ADGRL4: variants seen among roughly 807,000 people sequenced by gnomAD.
The protein encoded by ADGRL4 is adhesion G protein-coupled receptor L4, also known as EGF, latrophilin and seven transmembrane domain containing 1.
Under a neutral mutation model 74.8 loss-of-function variants are expected in ADGRL4, and 90 were observed. That is an observed-to-expected ratio of 1.20 (90% confidence interval 1.02 to 1.43). The LOEUF (loss-of-function observed/expected upper bound fraction) is 1.43. Ranked by LOEUF, ADGRL4 falls within the 40% of genes most tolerant of loss-of-function variation. The probability of loss-of-function intolerance (pLI) is 0.00; values close to 1 mark genes in which losing one functional copy is unlikely to be tolerated. For missense variants in ADGRL4, 881 were observed against 814.3 expected, an observed-to-expected ratio of 1.08 and a Z score of -1.00; for synonymous variants, 311 against 279.2, an observed-to-expected ratio of 1.11 and a Z score of -1.14.
In ADGRL4 at chr1:78,971,649, G is replaced by A. The variant is rs541365472; in HGVS notation, c.173-25223C>T. ...TGTCATGGCCGTGTGGCAAAGATCC[G>A]GCTCCCAGCTGAACTAAGGAGAAAG... On this transcript the variant is annotated intron_variant, in intron 2 of 14. Coordinates refer to ENST00000370742, the MANE Select transcript of ADGRL4 (RefSeq NM_022159.4). 2.6e-5 allele frequency among the ~76,000 whole-genome samples: 4 copies of A among 152,312 alleles called. No individual in the cohort carries two copies. The East Asian group carries it at 7.7e-4, about 29-fold the overall frequency.
chr1:78,939,169 T>C lies in ADGRL4; in HGVS notation c.396+19A>G. On this transcript the variant is annotated intron_variant, in intron 4 of 14. Transcript: ENST00000370742. ...ACCAAAATGTCAAAATAAAATAAATTGTTAACTGTTCTACTTACTTTTGTT... is the reference window on the plus strand; with the variant it reads ...ACCAAAATGTCAAAATAAAATAAATCGTTAACTGTTCTACTTACTTTTGTT... The C allele has an allele frequency of 6.5e-7, 1 of 1,542,220 alleles. No individual in the cohort carries two copies. The highest frequency in any genetic ancestry group is 8.7e-7 in the Non-Finnish European group (1 of 1,148,942).
chr1:79,001,222 AGAGG>A (rs1158637075), intron 2 of ADGRL4, among the ~76,000 whole-genome samples: 11 of 90,482 alleles, frequency 1.2e-4, no homozygotes, highest in East Asian at 6.4e-4. Context: ...AGGAAGGGAG[AGAGG>A]GAGGGAGGGA....
chr1:78,950,136 G>GA (rs1649691416), intron 2 of ADGRL4, among the ~76,000 whole-genome samples: 1 of 152,136 alleles, frequency 6.6e-6, no homozygotes. Flanking sequence ...ATAAAAAGGT[G>GA]AAGATTATTG....
At chr1:78,951,468 C>G (rs1353184050) in intron 2 of ADGRL4, among the ~76,000 whole-genome samples, 3 of 152,098 alleles carry the variant, frequency 2.0e-5, no homozygotes, top group Non-Finnish European at 4.4e-5. Flanking sequence ...ATGCATATGT[C>G]TACGATATAT....
At chr1:79,006,088 C>G (rs1650956543) in intron 1 of ADGRL4, among the ~76,000 whole-genome samples, 1 of 152,244 alleles carries the variant, frequency 6.6e-6, no homozygotes, top group African/African-American at 2.4e-5. Context: ...TCTTGAGGAC[C>G]AACAGCTATG....
intron 2 of ADGRL4, among the ~76,000 whole-genome samples, chr1:78,987,990 C>A (rs1394380828): frequency 8.9e-6 from 1 of 112,406 alleles, no homozygotes; most frequent in Non-Finnish European, 2.0e-5. Flanking sequence ...TTAAAATAGC[C>A]ACTGCATTTT....
chr1:78,912,620 T>C (rs1354127830), intron 12 of ADGRL4, among the ~76,000 whole-genome samples: 1 of 151,796 alleles, frequency 6.6e-6, no homozygotes, highest in Non-Finnish European at 1.5e-5. Flanking sequence ...AAGTTGGGGA[T>C]TGCTGATTTA....
chr1:78,937,767 G>A (rs1015730959), intron 6 of ADGRL4, 40 bp downstream of exon 6: 6 of 1,569,920 alleles, frequency 3.8e-6, no homozygotes, highest in Middle Eastern at 1.7e-4. Flanking sequence ...TGGCTTATTT[G>A]GAAAACACAA....
chr1:78,930,417 AC>A, intron 7 of ADGRL4, among the ~76,000 whole-genome samples: 1 of 148,128 alleles, frequency 6.8e-6, no homozygotes, highest in African/African-American at 2.5e-5. Flanking sequence ...GTAACTACTT[AC>A]TTGCTAGTTA....
intron 12 of ADGRL4, among the ~76,000 whole-genome samples, chr1:78,909,950 TA>T (rs1487585670): frequency 2.0e-5 from 3 of 151,750 alleles, no homozygotes; most frequent in African/African-American, 7.3e-5. Context: ...ATATACATGA[TA>T]AAAAGAGGGT....
intron 12 of ADGRL4, among the ~76,000 whole-genome samples, chr1:78,893,395 A>T (rs1178834527): frequency 6.6e-6 from 1 of 151,946 alleles, no homozygotes; most frequent in Non-Finnish European, 1.5e-5. Flanking sequence ...TTATCATCAT[A>T]CCTAAAGATT....
chr1:79,000,140 A>G (rs1391724668), intron 2 of ADGRL4, among the ~76,000 whole-genome samples: 1 of 152,152 alleles, frequency 6.6e-6, no homozygotes, highest in Admixed American at 6.5e-5. Context: ...TTCTGGTTCT[A>G]AATATTCAAT....
intron 2 of ADGRL4, among the ~76,000 whole-genome samples, chr1:78,999,437 G>C (rs1478309056): frequency 6.6e-6 from 1 of 152,140 alleles, no homozygotes; most frequent in Non-Finnish European, 1.5e-5. Context: ...GCCCGGCGTC[G>C]TGGCAGGCGC....
intron 3 of ADGRL4, among the ~76,000 whole-genome samples, chr1:78,944,675 T>C (rs768203292): frequency 3.3e-5 from 5 of 152,198 alleles, no homozygotes; most frequent in Non-Finnish European, 7.3e-5. Flanking sequence ...AAGTATTCCA[T>C]GGAAATAACA....
chr1:78,917,581 A>T, intron 12 of ADGRL4, 53 bp downstream of exon 12: 1 of 1,198,284 alleles, frequency 8.3e-7, no homozygotes, highest in Non-Finnish European at 1.2e-6. Flanking sequence ...AATTTTAAGC[A>T]CCCTATGATC....
chr1:78,966,386 T>A (rs1650056544), intron 2 of ADGRL4, among the ~76,000 whole-genome samples: 1 of 152,226 alleles, frequency 6.6e-6, no homozygotes, highest in East Asian at 1.9e-4. Context: ...CTCATGATCA[T>A]GTGACCAGGA....
intron 2 of ADGRL4, among the ~76,000 whole-genome samples, chr1:79,001,422 A>AAAAG (rs201049265): frequency 0.053 from 8,037 of 151,868 alleles, 424 homozygotes; most frequent in East Asian, 0.32. Context: ...CTTAAGACAA[A>AAAAG]AAAGAAAGAA....
At chr1:78,976,385 T>C (rs1650282569) in intron 2 of ADGRL4, among the ~76,000 whole-genome samples, 1 of 151,938 alleles carries the variant, frequency 6.6e-6, no homozygotes, top group Non-Finnish European at 1.5e-5. Context: ...TGGGCTTCAG[T>C]ATTTTTTTCA....
At chr1:78,974,555 T>C (rs1650239780) in intron 2 of ADGRL4, among the ~76,000 whole-genome samples, 1 of 152,172 alleles carries the variant, frequency 6.6e-6, no homozygotes, top group Non-Finnish European at 1.5e-5. Flanking sequence ...ATTTTATGTC[T>C]ATAAAAACAC....
Sources: allele counts gnomAD v4.1 joint callset (sites outside exome capture counted in the v4.1 genomes callset), GRCh38; gene constraint gnomAD v4.1.1; transcripts MANE v1.5; gene names NCBI Gene and HGNC (gene_info 2026-07-23, HGNC 2026-07-21).